Variants in COG7 observed in about 807,000 individuals in gnomAD.
The protein encoded by COG7 is conserved oligomeric Golgi complex subunit 7.
Under a neutral mutation model 91.5 loss-of-function variants are expected in COG7, and 49 were observed. The observed-to-expected ratio is 0.54, with a 90% CI of 0.43 to 0.68. The LOEUF (loss-of-function observed/expected upper bound fraction) is 0.68, where lower values mean the gene tolerates loss of function less well. COG7 is among the 30% of genes least tolerant of loss of function. The pLI, the probability that COG7 is intolerant of heterozygous loss-of-function variation, is 0.00. For missense variants in COG7, 895 were observed against 961.3 expected, an observed-to-expected ratio of 0.93 and a Z score of 0.91; for synonymous variants, 365 against 388.7, an observed-to-expected ratio of 0.94 and a Z score of 0.72.
At position 23,429,633 on chromosome 16, in the gene COG7, G is replaced by A. The variant is rs1963903060; in HGVS notation, c.810+3912C>T. ...ACAAAAATTAGCTGGGCATGGTGGT[G>A]TGTGCCCGTAATCCCAGCTACTCAT... On this transcript the variant is annotated intron_variant, in intron 6 of 16. Coordinates refer to ENST00000307149, the MANE Select transcript of COG7 (RefSeq NM_153603.4). 1.3e-5 allele frequency among the ~76,000 whole-genome samples: 2 copies of A among 152,050 alleles called. 1 individual carries two copies. The highest frequency in any genetic ancestry group is 6.3e-3 in the Middle Eastern group (2 of 316).
intron 13 of COG7, among the ~76,000 whole-genome samples, chr16:23,402,262 A>C (rs537686028): frequency 6.6e-6 from 1 of 152,312 alleles, no homozygotes; most frequent in East Asian, 1.9e-4. Context: ...ATAGGCGTGC[A>C]GAAAGAGATG....
chr16:23,392,817 G>C (rs1342329618), intron 15 of COG7, among the ~76,000 whole-genome samples: 1 of 152,152 alleles, frequency 6.6e-6, no homozygotes, highest in Admixed American at 6.5e-5. Context: ...TGTAGTCCCA[G>C]CTACTCAGGA....
chr16:23,438,026 A>G (rs1232893561), intron 4 of COG7, among the ~76,000 whole-genome samples: 2 of 151,248 alleles, frequency 1.3e-5, no homozygotes, highest in Admixed American at 6.6e-5. Context: ...CAGAGGTTGC[A>G]GCGAGCCGAG....
chr16:23,444,907 A>G (rs1209490514), intron 3 of COG7, 141 bp downstream of exon 3: 1 of 765,626 alleles, frequency 1.3e-6, no homozygotes, highest in Non-Finnish European at 2.4e-6. Context: ...CACACCGAGC[A>G]GCTTCAGATC....
At chr16:23,407,353 G>A (rs1963479181) in intron 11 of COG7, among the ~76,000 whole-genome samples, 2 of 152,218 alleles carry the variant, frequency 1.3e-5, no homozygotes, top group African/African-American at 2.4e-5. Flanking sequence ...GTCTTCACTA[G>A]TTCTTGTCTG....
In COG7 at chr16:23,388,990, C is replaced by T. The variant is rs755971918; in HGVS notation, c.2243G>A (p.Arg748Lys). 32 of 1,613,940 alleles carry T rather than the reference C, an allele frequency of 2.0e-5. No individual in the cohort carries two copies. Among genetic ancestry groups the T allele is most frequent in the South Asian group, 3.3e-5 (3 of 91,066 alleles). ...ACGGGGCAGGCCTTTGCTGACCTGT[C>T]TATAGTCCTCAGGCCTGGTCTTCAG... is the stretch of plus-strand genomic sequence containing the variant. ...TLLKTRPEDYRQVSKGLPRRL... is the reference protein window; with the variant it reads ...TLLKTRPEDYKQVSKGLPRRL... The change falls in exon 17 of 17, where the codon AGA becomes AAA. Residue 748 changes from arginine to lysine, a missense_variant. Arg to Lys is a conservative substitution (Grantham distance 26, BLOSUM62 2). Coordinates refer to ENST00000307149, the MANE Select transcript of COG7 (RefSeq NM_153603.4).
intron 1 of COG7, among the ~76,000 whole-genome samples, chr16:23,451,725 C>CAAA (rs34572078): frequency 3.8e-5 from 3 of 78,318 alleles, no homozygotes; most frequent in African/African-American, 7.9e-5. Flanking sequence ...GACCCTGTCT[C>CAAA]AAAAAAAAAA....
chr16:23,448,608 T>C (rs1219470014), intron 1 of COG7, among the ~76,000 whole-genome samples: 3 of 152,162 alleles, frequency 2.0e-5, no homozygotes, highest in Non-Finnish European at 4.4e-5. Flanking sequence ...TTTATTGATA[T>C]TATTCATGCA....
intron 7 of COG7, among the ~76,000 whole-genome samples, chr16:23,422,896 T>A (rs548146848): frequency 6.6e-6 from 1 of 150,966 alleles, no homozygotes; most frequent in South Asian, 2.1e-4. Flanking sequence ...TACAAAAAAA[T>A]TAGCCAGGTG....
rs751766541 is a variant in COG7 at position 23,418,905 on chromosome 16, C to T, written c.1010-78G>A. 69 of 1,340,422 alleles carry T rather than the reference C, an allele frequency of 5.1e-5. 1 individual carries two copies. Among genetic ancestry groups the T allele is most frequent in the South Asian group, 7.2e-5 (6 of 83,658 alleles). 83.0% of individuals were successfully genotyped at this position (1,340,422 alleles called of 1,614,324 possible). A position where few individuals can be genotyped will look rare whatever the true frequency, so the allele number is the denominator to read the frequency against. ...CTGTGGGAAAGCAACAATCAAGAGG[C>T]GCTCTACTAGAACTTTCCCCATTTG... On this transcript the variant is annotated intron_variant, in intron 7 of 16. Transcript: ENST00000307149.
At chr16:23,413,346 A>C in intron 10 of COG7, 102 bp downstream of exon 10, 1 of 792,666 alleles carries the variant, frequency 1.3e-6, no homozygotes, top group Non-Finnish European at 2.3e-6. Context: ...AAAGAAAAAA[A>C]ACGAACCCCT....
At chr16:23,389,107 C>CAA in intron 16 of COG7, 21 bp from the exon 17 acceptor site, 1 of 1,612,424 alleles carries the variant, frequency 6.2e-7, no homozygotes, top group Non-Finnish European at 8.5e-7. Context: ...GGAGAGGAGA[C>CAA]AGACAGAGCT....
chr16:23,427,569 G>A (rs887969820), intron 6 of COG7, among the ~76,000 whole-genome samples: 6 of 151,832 alleles, frequency 4.0e-5, no homozygotes, highest in Non-Finnish European at 8.8e-5. Context: ...ATTAGGATGC[G>A]TCACTCTCAC....
At chr16:23,428,764 T>C (rs1963888920) in intron 6 of COG7, among the ~76,000 whole-genome samples, 1 of 151,052 alleles carries the variant, frequency 6.6e-6, no homozygotes, top group Non-Finnish European at 1.5e-5. Context: ...CGATCTTGGC[T>C]CACTGCAACC....
Position 23,417,088 on chromosome 16 carries a change from G to C in COG7, c.1171C>G (p.Leu391Val), listed in dbSNP as rs372594584. The C allele has an allele frequency of 2.5e-6, 4 of 1,614,090 alleles. No individual in the cohort carries two copies. The highest frequency in any genetic ancestry group is 1.7e-5 in the Admixed American group (1 of 60,006). Residue 391 changes from leucine to valine, a missense_variant, in exon 9 of 17, where the codon CTG becomes GTG. By Grantham distance (32) the Leu-to-Val change is conservative. Coordinates refer to ENST00000307149, the MANE Select transcript of COG7 (RefSeq NM_153603.4). ...AACAGCTTGTTCACGGAGTGGCTCAGCTCCTGCACACAGTCAATCACTTCC... is the reference window on the plus strand; with the variant it reads ...AACAGCTTGTTCACGGAGTGGCTCACCTCCTGCACACAGTCAATCACTTCC... ...HGEVIDCVQE[L>V]SHSVNKLFGL...
chr16:23,436,875 T>C (rs1212035903), intron 4 of COG7, among the ~76,000 whole-genome samples: 1 of 152,156 alleles, frequency 6.6e-6, no homozygotes, highest in African/African-American at 2.4e-5. Context: ...AAAGAAAACA[T>C]TGTTTTATCT....
At chr16:23,448,076 T>A (rs922211258) in intron 1 of COG7, among the ~76,000 whole-genome samples, 1 of 152,108 alleles carries the variant, frequency 6.6e-6, no homozygotes, top group East Asian at 1.9e-4. Flanking sequence ...GGTCCTCCAA[T>A]TTGGGGTCCT....
chr16:23,429,794 T>G (rs1277167253), intron 6 of COG7, among the ~76,000 whole-genome samples: 2 of 151,858 alleles, frequency 1.3e-5, no homozygotes, highest in East Asian at 3.9e-4. Flanking sequence ...AACAGGTATA[T>G]TCACACCATG....
At chr16:23,401,093 C>T (rs762010430) in intron 13 of COG7, among the ~76,000 whole-genome samples, 8 of 152,042 alleles carry the variant, frequency 5.3e-5, no homozygotes, top group Non-Finnish European at 8.8e-5. Context: ...GCTTTTCTAT[C>T]CATCTGTCAC....
Sources: allele counts gnomAD v4.1 joint callset (sites outside exome capture counted in the v4.1 genomes callset), GRCh38; gene constraint gnomAD v4.1.1; transcripts MANE v1.5; gene names NCBI Gene and HGNC (gene_info 2026-07-23, HGNC 2026-07-21).